Variants in RBMS1 observed in about 807,000 individuals in gnomAD.
The protein encoded by RBMS1 is RNA-binding motif, single-stranded-interacting protein 1.
A neutral mutation model predicts 62.3 loss-of-function variants in RBMS1; 17 were observed. The ratio of observed to expected loss-of-function variants is 0.27; its 90% CI spans 0.19 to 0.41. The LOEUF (loss-of-function observed/expected upper bound fraction) is 0.41. Among genes scored for constraint, RBMS1 ranks in the 10% least tolerant of loss-of-function variants. The pLI, the probability that RBMS1 is intolerant of heterozygous loss-of-function variation, is 1.00. For synonymous variants in RBMS1, 172 were observed against 170.0 expected (o/e 1.01, Z -0.09); for missense variants, 334 against 504.5 (o/e 0.66, Z 3.24).
At chr2:160,446,262 C>T (rs547161452) in intron 1 of RBMS1, among the ~76,000 whole-genome samples, 18 of 152,170 alleles carry the variant, frequency 1.2e-4, no homozygotes, top group Non-Finnish European at 2.4e-4. Context: ...CTATGACAGT[C>T]CCTCCATGTT....
intron 1 of RBMS1, among the ~76,000 whole-genome samples, chr2:160,385,335 G>A (rs1023702217): frequency 1.3e-5 from 2 of 152,042 alleles, no homozygotes; most frequent in Non-Finnish European, 2.9e-5. Flanking sequence ...CTACTCAGGG[G>A]CTTGGAGGCT....
chr2:160,399,397 T>G (rs1478588033), intron 1 of RBMS1, among the ~76,000 whole-genome samples: 1 of 152,224 alleles, frequency 6.6e-6, no homozygotes, highest in African/African-American at 2.4e-5. Context: ...TGACTTCTTT[T>G]GGGTCCTCAC....
intron 1 of RBMS1, among the ~76,000 whole-genome samples, chr2:160,453,566 G>A (rs576951486): frequency 6.6e-6 from 1 of 152,074 alleles, no homozygotes; most frequent in South Asian, 2.1e-4. Context: ...TGCCAAATTT[G>A]ACTTGTATTC....
intron 13 of RBMS1, chr2:160,275,406 T>A: frequency 1.4e-6 from 1 of 695,288 alleles, no homozygotes; most frequent in Non-Finnish European, 1.9e-6. Flanking sequence ...GTGGGGAGAG[T>A]ATACATTTGG....
At chr2:160,312,051 C>G (rs192984114) in intron 4 of RBMS1, among the ~76,000 whole-genome samples, 154 of 152,270 alleles carry the variant, frequency 1.0e-3, no homozygotes, top group Middle Eastern at 3.4e-3. Flanking sequence ...AGCCTTAGCT[C>G]TTTTAATAAA....
intron 11 of RBMS1, 44 bp from the exon 12 acceptor site, chr2:160,277,427 C>A: frequency 6.7e-7 from 1 of 1,489,208 alleles, no homozygotes; most frequent in South Asian, 1.1e-5. Flanking sequence ...GTAAACCATG[C>A]AAAATTTGGA....
chr2:160,358,346 G>A (rs10929979), intron 2 of RBMS1, among the ~76,000 whole-genome samples: 38,312 of 151,940 alleles, frequency 0.25, 5,569 homozygotes, highest in East Asian at 0.53. Flanking sequence ...TCCTTTTTAC[G>A]ATGGGACAAA....
intron 1 of RBMS1, among the ~76,000 whole-genome samples, chr2:160,464,721 T>G (rs940792387): frequency 6.6e-6 from 1 of 152,242 alleles, no homozygotes; most frequent in African/African-American, 2.4e-5. Context: ...TTTCTTGAGT[T>G]CATTCAATTG....
chr2:160,449,936 T>G (rs1283379272), intron 1 of RBMS1, among the ~76,000 whole-genome samples: 1 of 152,120 alleles, frequency 6.6e-6, no homozygotes, highest in Non-Finnish European at 1.5e-5. Context: ...TTCAGCTCTA[T>G]ACATCTCCAA....
chr2:160,293,257 T>C (rs1688770323), intron 6 of RBMS1, among the ~76,000 whole-genome samples: 1 of 152,220 alleles, frequency 6.6e-6, no homozygotes. Context: ...ATTTTCCCTC[T>C]AAACATTATC....
rs370752076 is a variant in RBMS1 at position 160,284,988 on chromosome 2, G to A, written c.806+7C>T. 8.7e-6 allele frequency: 14 copies of A among 1,611,100 alleles called. No homozygotes were observed. Among genetic ancestry groups the A allele is most frequent in the African/African-American group, 4.0e-5 (3 of 74,790 alleles). ...CAAGCCATTATGGATTTATTTTAAC[G>A]ACATACCCGTTCTGTATAGCAGCTG... On this transcript the variant is annotated splice_region_variant and intron_variant, in intron 8 of 13. Transcript: ENST00000348849.
At chr2:160,437,317 A>G (rs1683149801) in intron 1 of RBMS1, among the ~76,000 whole-genome samples, 1 of 152,142 alleles carries the variant, frequency 6.6e-6, no homozygotes, top group South Asian at 2.1e-4. Context: ...CAAAGCCTAG[A>G]TTGTTCTCAT....
chr2:160,325,242 A>C (rs548648925), intron 2 of RBMS1, among the ~76,000 whole-genome samples: 2 of 152,230 alleles, frequency 1.3e-5, no homozygotes, highest in South Asian at 2.1e-4. Context: ...GTAATTGCTA[A>C]GGTCCTTAAG....
In RBMS1 at chr2:160,439,819, G is replaced by A. The variant is rs541930674; in HGVS notation, c.75+53470C>T. 1.1e-4 allele frequency among the ~76,000 whole-genome samples: 17 copies of A among 152,318 alleles called. No homozygotes were observed. In the South Asian group the frequency reaches 3.5e-3, roughly 32 times the overall value. ...TGCAATCCCAGCACCTTGGGAGGCCGAGGCTGGCGGATCACTCGCGGTTAG... is the reference window on the plus strand; with the variant it reads ...TGCAATCCCAGCACCTTGGGAGGCCAAGGCTGGCGGATCACTCGCGGTTAG... On this transcript the variant is annotated intron_variant, in intron 1 of 13. Transcript: ENST00000348849.
At chr2:160,311,208 A>AT (rs1689836273) in intron 4 of RBMS1, among the ~76,000 whole-genome samples, 1 of 70,792 alleles carries the variant, frequency 1.4e-5, no homozygotes, top group African/African-American at 4.6e-5. Context: ...AAAAAAAAAA[A>AT]AATCTATCTA....
intron 1 of RBMS1, among the ~76,000 whole-genome samples, chr2:160,486,290 C>T (rs1238428894): frequency 6.6e-6 from 1 of 152,084 alleles, no homozygotes; most frequent in Non-Finnish European, 1.5e-5. Flanking sequence ...CCACCCCCCA[C>T]CCCCAGTCCA....
intron 1 of RBMS1, among the ~76,000 whole-genome samples, chr2:160,448,514 T>G (rs1683776710): frequency 6.6e-6 from 1 of 152,240 alleles, no homozygotes; most frequent in Non-Finnish European, 1.5e-5. Flanking sequence ...CGGGCTGGTC[T>G]CCAGCTCCTG....
intron 3 of RBMS1, among the ~76,000 whole-genome samples, chr2:160,315,756 C>A (rs963321067): frequency 2.6e-5 from 4 of 152,132 alleles, no homozygotes; most frequent in African/African-American, 9.7e-5. Flanking sequence ...TTGTCCTGAA[C>A]TGACATATTT....
At chr2:160,283,587 C>G (rs543787812) in intron 9 of RBMS1, 1 of 152,302 alleles carries the variant, frequency 6.6e-6, no homozygotes, top group East Asian at 1.9e-4. Flanking sequence ...TATCTAATCA[C>G]TTCTGTTATT....
Sources: gnomAD v4.1 joint callset for allele counts (sites outside exome capture counted in the v4.1 genomes callset) on GRCh38, gnomAD v4.1.1 for gene constraint, MANE v1.5 for transcripts, NCBI Gene and HGNC (gene_info 2026-07-23, HGNC 2026-07-21) for gene names.